DNAH5: variants seen among roughly 807,000 people sequenced by gnomAD.
DNAH5 encodes the protein dynein axonemal heavy chain 5, also known as axonemal beta dynein heavy chain 5.
A neutral mutation model predicts 518.2 loss-of-function variants in DNAH5; 372 were observed. The ratio of observed to expected loss-of-function variants is 0.72; its 90% CI spans 0.66 to 0.78. The LOEUF (loss-of-function observed/expected upper bound fraction) is 0.78. DNAH5 is among the 30% of genes least tolerant of loss of function. DNAH5 has a pLI of 0.00. For missense variants in DNAH5, 5,523 were observed against 5,687.0 expected, an observed-to-expected ratio of 0.97 and a Z score of 0.93; for synonymous variants, 2,039 against 2,025.9, an observed-to-expected ratio of 1.01 and a Z score of -0.17.
intron 1 of DNAH5, among the ~76,000 whole-genome samples, chr5:13,959,333 A>C (rs1402952541): frequency 1.3e-5 from 2 of 152,250 alleles, no homozygotes; most frequent in African/African-American, 2.4e-5. Flanking sequence ...AATGAATCCC[A>C]CTGAAGACTC....
At chr5:13,711,486 C>T (rs763906710) in intron 75 of DNAH5, among the ~76,000 whole-genome samples, 1 of 152,198 alleles carries the variant, frequency 6.6e-6, no homozygotes, top group East Asian at 1.9e-4. Context: ...CTCATCACTC[C>T]TCTTCAATAC....
At chr5:13,762,316 A>G (rs1189234049) in intron 60 of DNAH5, among the ~76,000 whole-genome samples, 1 of 152,128 alleles carries the variant, frequency 6.6e-6, no homozygotes, top group African/African-American at 2.4e-5. Context: ...AGCTTTCAGC[A>G]TGTTCTGTCT....
In DNAH5 at chr5:13,839,446, ATCTT is replaced by A. The variant is rs1561398253; in HGVS notation, c.5788_5791del (p.Lys1930Ter). ...CGCCACATCTGTGATGTGAATCATC[ATCTT>A]GTCAGAATCTTCGTTAAAGTAAAAT... On this transcript the variant is annotated frameshift_variant, in exon 35 of 79. Transcript: ENST00000265104. LOFTEE classifies it high-confidence loss of function. 6.2e-7 allele frequency: 1 copy of A among 1,614,042 alleles called. No homozygotes were observed. The highest frequency in any genetic ancestry group is 1.3e-5 in the African/African-American group (1 of 75,058).
chr5:13,814,879 A>G (rs1475500629), intron 42 of DNAH5, 33 bp from the exon 43 acceptor site: 1 of 1,603,306 alleles, frequency 6.2e-7, no homozygotes, highest in Non-Finnish European at 8.5e-7. Context: ...AAAAAAAAAT[A>G]CATACACTCA....
At chr5:13,758,139 T>C (rs1751269270) in intron 61 of DNAH5, among the ~76,000 whole-genome samples, 1 of 152,094 alleles carries the variant, frequency 6.6e-6, no homozygotes, top group Non-Finnish European at 1.5e-5. Flanking sequence ...CCTGGTTACT[T>C]AGAAACTCAG....
At chr5:13,843,133 C>A (rs1040688250) in intron 32 of DNAH5, among the ~76,000 whole-genome samples, 2 of 152,270 alleles carry the variant, frequency 1.3e-5, no homozygotes, top group Admixed American at 6.5e-5. Flanking sequence ...GATTTTTGAA[C>A]CATTAAAATC....
At position 13,721,096 on chromosome 5, in the gene DNAH5, G is replaced by C. The variant is rs771376240; in HGVS notation, c.12183C>G (p.Ala4061=). The C allele has an allele frequency of 6.2e-7, 1 of 1,614,064 alleles. No individual in the cohort carries two copies. Among genetic ancestry groups the C allele is most frequent in the South Asian group, 1.1e-5 (1 of 91,080 alleles). Residue 4061 remains alanine (A), a synonymous_variant, in exon 71 of 79, where the codon GCC becomes GCG. Transcript: ENST00000265104. ...MGSDPTDSII[A]LGKRLKIETR... ...TTTCTATTTTTAATCTCTTCCCCAA[G>C]GCAATGATGGAATCTGTGGGGTCTG...
In DNAH5 at chr5:13,692,153, G is replaced by C; in HGVS notation, c.13724-18C>G. ...TCGTAAAGCTACAAAAAACATAAAA[G>C]AAAAGAACTTGGTGAAATTTCCACT... On this transcript the variant is annotated intron_variant, in intron 78 of 78. Transcript: ENST00000265104. 2 of 1,613,772 alleles carry C rather than the reference G, an allele frequency of 1.2e-6. No homozygotes were observed. The highest frequency in any genetic ancestry group is 1.7e-6 in the Non-Finnish European group (2 of 1,179,826).
chr5:13,792,787 G>A (rs1287851330), intron 49 of DNAH5, among the ~76,000 whole-genome samples: 1 of 152,126 alleles, frequency 6.6e-6, no homozygotes, highest in Non-Finnish European at 1.5e-5. Context: ...ACTAGCCTGG[G>A]GCACCCAGAT....
At chr5:14,003,051 G>C (rs994805136) in intron 1 of DNAH5, among the ~76,000 whole-genome samples, 2 of 152,102 alleles carry the variant, frequency 1.3e-5, no homozygotes, top group African/African-American at 2.4e-5. Context: ...AAGCAAAAAG[G>C]TTCTGTTTTT....
At chr5:13,772,632 C>T (rs193086958) in intron 55 of DNAH5, among the ~76,000 whole-genome samples, 4 of 152,344 alleles carry the variant, frequency 2.6e-5, no homozygotes, top group East Asian at 1.9e-4. Flanking sequence ...AATGATTCAT[C>T]AACAGATTCA....
chr5:13,933,374 A>C (rs1005605293), intron 1 of DNAH5, among the ~76,000 whole-genome samples: 1 of 152,226 alleles, frequency 6.6e-6, no homozygotes, highest in African/African-American at 2.4e-5. Flanking sequence ...TCAAAGTTTA[A>C]ACCATGAGTG....
chr5:13,820,529 AAC>A, intron 40 of DNAH5, 30 bp from the exon 41 acceptor site: 1 of 1,612,618 alleles, frequency 6.2e-7, no homozygotes, highest in Non-Finnish European at 8.5e-7. Flanking sequence ...CCCACATTGA[AAC>A]ACAACAATGA....
chr5:13,771,094 A>T lies in DNAH5; in HGVS notation c.9374-114T>A. Reference sequence around the variant, plus strand: ...TCTTAGGAATGCAAACCATTTTTGTAGCCCCAGCTAGGTAGATCTGTGTCA... The same window carrying T: ...TCTTAGGAATGCAAACCATTTTTGTTGCCCCAGCTAGGTAGATCTGTGTCA... On this transcript the variant is annotated intron_variant, in intron 55 of 78. Transcript: ENST00000265104. The T allele has an allele frequency of 3.3e-6, 3 of 911,502 alleles. No individual in the cohort carries two copies. In the South Asian group the frequency reaches 4.5e-5, roughly 14 times the overall value. 56.5% of individuals were successfully genotyped at this position (911,502 alleles called of 1,614,324 possible). A position where few individuals can be genotyped will look rare whatever the true frequency, so the allele number is the denominator to read the frequency against.
intron 62 of DNAH5, 34 bp from the exon 63 acceptor site, chr5:13,753,583 T>C: frequency 1.9e-6 from 3 of 1,555,214 alleles, no homozygotes; most frequent in South Asian, 1.1e-5. Context: ...TGAAATACTT[T>C]ACGTTCATCC....
chr5:14,011,117 C>T (rs1785085809), intron 1 of DNAH5, among the ~76,000 whole-genome samples: 1 of 152,174 alleles, frequency 6.6e-6, no homozygotes, highest in Admixed American at 6.5e-5. Flanking sequence ...CAGAAAGAAC[C>T]CACCCAGCGG....
intron 1 of DNAH5, among the ~76,000 whole-genome samples, chr5:13,994,384 T>C (rs971098373): frequency 6.6e-6 from 1 of 152,202 alleles, no homozygotes; most frequent in African/African-American, 2.4e-5. Context: ...CATCATTCTG[T>C]AAAGGCCAAT....
intron 1 of DNAH5, among the ~76,000 whole-genome samples, chr5:13,984,941 G>A (rs1046229693): frequency 1.3e-5 from 2 of 152,108 alleles, no homozygotes; most frequent in African/African-American, 4.8e-5. Flanking sequence ...TATACACAAA[G>A]GAATATAAAT....
In DNAH5 at chr5:13,707,544, G is replaced by A. The variant is rs1023486673; in HGVS notation, c.13338+579C>T. Among the ~76,000 whole-genome samples, 3 of 152,128 alleles carry A rather than the reference G, an allele frequency of 2.0e-5. No individual in the cohort carries two copies. The highest frequency in any genetic ancestry group is 4.4e-5 in the Non-Finnish European group (3 of 68,020). ...GCCATGGGGTTGGAGCCCCAGAACA[G>A]TCCCTACAACCTGCCCCTCTGCATG... On this transcript the variant is annotated intron_variant, in intron 76 of 78. Transcript: ENST00000265104. This position sits in a 1 kb window ranked among gnomAD's most constrained non-coding sequence, Gnocchi z 4.0.
Sources: allele counts gnomAD v4.1 joint callset (sites outside exome capture counted in the v4.1 genomes callset), GRCh38; gene constraint gnomAD v4.1.1; non-coding constraint Gnocchi (gnomAD v3.1); transcripts MANE v1.5; gene names NCBI Gene and HGNC (gene_info 2026-07-23, HGNC 2026-07-21).